LRP10: variants seen among roughly 807,000 people sequenced by gnomAD.
LRP10 encodes low-density lipoprotein receptor-related protein 10.
LRP10 carries 42 observed loss-of-function variants against 58.5 expected under a neutral mutation model. That is an observed-to-expected ratio of 0.72 (90% CI 0.56 to 0.93). The LOEUF is 0.93. Among genes scored for constraint, LRP10 ranks in the 40% least tolerant of loss-of-function variants. The pLI is 0.00. For synonymous variants in LRP10, 377 were observed against 388.5 expected (o/e 0.97, Z 0.35); for missense variants, 872 against 940.1 (o/e 0.93, Z 0.95).
chr14:22,873,247 G>A (rs749177657), intron 2 of LRP10, 64 bp from the exon 3 acceptor site: 73 of 1,555,786 alleles, frequency 4.7e-5, no homozygotes, highest in Non-Finnish European at 6.0e-5. Flanking sequence ...GCCTCCAAGC[G>A]GAAGGGGAAG....
chr14:22,875,229 G>C lies in LRP10; in HGVS notation c.390G>C (p.Leu130=). 6.2e-7 allele frequency: 1 copy of C among 1,600,686 alleles called. No homozygotes were observed. The highest frequency in any genetic ancestry group is 1.3e-5 in the African/African-American group (1 of 74,844). The change falls in exon 4 of 7, where the codon CTG becomes CTC. Residue 130 remains leucine, a synonymous_variant. Coordinates refer to ENST00000359591, the MANE Select transcript of LRP10 (RefSeq NM_014045.5). ...GAGCACCCATGGGCCAGGGCTTCCTGCTCTCCTACAGCCAAGGTAGGCTGG... is the reference window on the plus strand; with the variant it reads ...GAGCACCCATGGGCCAGGGCTTCCTCCTCTCCTACAGCCAAGGTAGGCTGG... ...GARAPMGQGF[L]LSYSQDWLMC... is the part of the protein sequence containing the mutation.
At chr14:22,876,839 C>T in intron 6 of LRP10, 21 bp downstream of exon 6, 1 of 1,611,520 alleles carries the variant, frequency 6.2e-7, no homozygotes, top group South Asian at 1.1e-5. Context: ...CCCCACAACC[C>T]TAGCACCTCC....
chr14:22,877,557 C>G lies in LRP10; in HGVS notation c.*30C>G. The G allele has an allele frequency of 6.8e-7, 1 of 1,478,536 alleles. No individual in the cohort carries two copies. Among genetic ancestry groups the G allele is most frequent in the Non-Finnish European group, 9.1e-7 (1 of 1,099,744 alleles). 91.6% of individuals were successfully genotyped at this position (1,478,536 alleles called of 1,614,324 possible). A position where few individuals can be genotyped will look rare whatever the true frequency, so the allele number is the denominator to read the frequency against. On this transcript the variant is annotated 3_prime_UTR_variant, in exon 7 of 7. Transcript: ENST00000359591. The surrounding 1 kb of genome is among the most constrained non-coding windows in gnomAD (Gnocchi z 5.1). ...ACCTGGGGGCTCTACTGAGGCCTCT[C>G]CCCTGGGGGCTCTACTCATAGTGGC...
rs1440462319 is a variant in LRP10, at chr14:22,877,175, G to C, written c.1790G>C (p.Gly597Ala). 2.5e-6 allele frequency: 4 copies of C among 1,601,220 alleles called. No individual in the cohort carries two copies. In the East Asian group the frequency reaches 6.7e-5, roughly 27 times the overall value. The change falls in exon 7 of 7, where the codon GGT becomes GCT. Residue 597 changes from glycine (G) to alanine (A), a missense_variant. Coordinates refer to ENST00000359591, the MANE Select transcript of LRP10 (RefSeq NM_014045.5). The surrounding 1 kb of genome is among the most constrained non-coding windows in gnomAD (Gnocchi z 5.1). ...CTTGAGGCCCTAGATGGTGGCACAG[G>C]TCCAGCCCGTGAGGGCGGGGCAGTG... is the stretch of plus-strand genomic sequence containing the variant. ...APLEALDGGT[G>A]PAREGGAVGG...
At chr14:22,872,421 A>C (rs2039964707) in intron 1 of LRP10, 84 bp downstream of exon 1, 2 of 1,526,054 alleles carry the variant, frequency 1.3e-6, no homozygotes, top group Non-Finnish European at 1.8e-6. Context: ...CCCGCACTCT[A>C]TCCTGCCTGC....
At chr14:22,872,830 G>A in intron 2 of LRP10, 48 bp downstream of exon 2, 1 of 1,589,570 alleles carries the variant, frequency 6.3e-7, no homozygotes, top group South Asian at 1.1e-5. Context: ...GAATGAGGGA[G>A]CAGTCGAGAA....
chr14:22,875,317 C>T lies in LRP10; in HGVS notation c.407-38C>T, dbSNP rs753159397. On this transcript the variant is annotated intron_variant, in intron 4 of 6. Coordinates refer to ENST00000359591, the MANE Select transcript of LRP10 (RefSeq NM_014045.5). ...GCAGAAGGGGAGGATCCTGAGGGTTCTGGTGCTTCACAGCCCCTCTCCATG... is the reference window on the plus strand; with the variant it reads ...GCAGAAGGGGAGGATCCTGAGGGTTTTGGTGCTTCACAGCCCCTCTCCATG... 27 of 1,592,322 alleles carry T rather than the reference C, an allele frequency of 1.7e-5. No homozygotes were observed. The East Asian group carries it at 6.1e-4, about 36-fold the overall frequency.
At position 22,874,596 on chromosome 14, in the gene LRP10, A is replaced by C. The variant is rs148135726; in HGVS notation, c.216-459A>C. Among the ~76,000 whole-genome samples the C allele has an allele frequency of 4.6e-3, 707 of 152,310 alleles. 7 individuals carry two copies. The highest frequency in any genetic ancestry group is 0.033 in the South Asian group (159 of 4,826). ...CCCCATTGACTACATTGACTTAAAA[A>C]TAATTTGGCTGCCGGGCATGGTGGC... On this transcript the variant is annotated intron_variant, in intron 3 of 6. Transcript: ENST00000359591.
At position 22,881,158 on chromosome 14, in the gene LRP10, A is replaced by G. The variant is rs192045784; in HGVS notation, c.*3631A>G. On this transcript the variant is annotated 3_prime_UTR_variant, in exon 7 of 7. Transcript: ENST00000359591. ...CAGAAGACTGGCCCAGTCTCTACCA[A>G]GTGGTGGATTTAGAGCCGGCATGGC... 1 of 152,324 alleles carries G rather than the reference A, an allele frequency of 6.6e-6. No homozygotes were observed. Among genetic ancestry groups the G allele is most frequent in the Admixed American group, 6.5e-5 (1 of 15,300 alleles). The allele number at this position is 152,324 out of a possible 1,614,324, so 9.4% of individuals were successfully genotyped here. A position where few individuals can be genotyped will look rare whatever the true frequency, so the allele number is the denominator to read the frequency against.
intron 1 of LRP10, 51 bp from the exon 2 acceptor site, chr14:22,872,687 A>G (rs2039968306): frequency 6.3e-7 from 1 of 1,593,298 alleles, no homozygotes; most frequent in Non-Finnish European, 8.6e-7. Flanking sequence ...GTGAAGAAGA[A>G]AACTCCTAAG....
rs767280972 is a variant in LRP10, at chr14:22,873,300, C to T, written c.80-11C>T. On this transcript the variant is annotated splice_polypyrimidine_tract_variant and intron_variant, in intron 2 of 6. Coordinates refer to ENST00000359591, the MANE Select transcript of LRP10 (RefSeq NM_014045.5). ...CTGTCTACTACCCGTGTCCTACCTT[C>T]CTCTCTCCAGCTTGTGAGGACCCCC... 2.5e-6 allele frequency: 4 copies of T among 1,610,190 alleles called. No individual in the cohort carries two copies. The Admixed American group carries it at 6.7e-5, about 27-fold the overall frequency.
At chr14:22,875,275 G>T in intron 4 of LRP10, 30 bp downstream of exon 4, 1 of 1,581,092 alleles carries the variant, frequency 6.3e-7, no homozygotes, top group Non-Finnish European at 8.6e-7. Flanking sequence ...CTGAGGAGCA[G>T]GCAGTGAAAG....
chr14:22,878,147 TC>T lies in LRP10; in HGVS notation c.*623del, dbSNP rs1476614399. ...CCCATCTCAGTCTATGCTCACCTCATCCCACTCCTCCCTGTGGAGCCCTTTG... is the reference window on the plus strand; with the variant it reads ...CCCATCTCAGTCTATGCTCACCTCATCCACTCCTCCCTGTGGAGCCCTTTG... On this transcript the variant is annotated 3_prime_UTR_variant, in exon 7 of 7. Coordinates refer to ENST00000359591, the MANE Select transcript of LRP10 (RefSeq NM_014045.5). The T allele has an allele frequency of 6.6e-6, 1 of 152,356 alleles. No individual in the cohort carries two copies. Among genetic ancestry groups the T allele is most frequent in the Non-Finnish European group, 1.5e-5 (1 of 68,130 alleles). The allele number at this position is 152,356 out of a possible 1,614,324, so 9.4% of individuals were successfully genotyped here. A position where few individuals can be genotyped will look rare whatever the true frequency, so the allele number is the denominator to read the frequency against.
rs537534960 is a variant in LRP10, at chr14:22,879,261, G to A, written c.*1734G>A. ...GGCCCATGTGCAGTTCTGGGACCCTGGCACCTTGGCTCAGGGAAGACCCGA... is the reference window on the plus strand; with the variant it reads ...GGCCCATGTGCAGTTCTGGGACCCTAGCACCTTGGCTCAGGGAAGACCCGA... On this transcript the variant is annotated 3_prime_UTR_variant, in exon 7 of 7. Coordinates refer to ENST00000359591, the MANE Select transcript of LRP10 (RefSeq NM_014045.5). The A allele has an allele frequency of 2.4e-4, 111 of 455,534 alleles. No individual in the cohort carries two copies. Among genetic ancestry groups the A allele is most frequent in the Middle Eastern group, 1.6e-3 (5 of 3,072 alleles). 28.2% of individuals were successfully genotyped at this position (455,534 alleles called of 1,614,324 possible).
In LRP10 at chr14:22,872,097, G is replaced by T. The variant is rs2039959687; in HGVS notation, c.-207G>T. 5.0e-6 allele frequency: 3 copies of T among 603,732 alleles called. 1 individual carries two copies. The South Asian group carries it at 5.8e-5, about 12-fold the overall frequency. 37.4% of individuals were successfully genotyped at this position (603,732 alleles called of 1,614,324 possible). Reference sequence around the variant, plus strand: ...GGCGGACGGAGAAAACAACTCCAAAGTTGGCGAAAGGCACCGCCCCTACTC... The same window carrying T: ...GGCGGACGGAGAAAACAACTCCAAATTTGGCGAAAGGCACCGCCCCTACTC... On this transcript the variant is annotated 5_prime_UTR_variant, in exon 1 of 7. Coordinates refer to ENST00000359591, the MANE Select transcript of LRP10 (RefSeq NM_014045.5).
chr14:22,874,917 T>G, intron 3 of LRP10, 138 bp from the exon 4 acceptor site: 2 of 490,890 alleles, frequency 4.1e-6, no homozygotes, highest in Non-Finnish European at 6.9e-6. Flanking sequence ...GCTAACTGAG[T>G]TTTCATTTGG....
chr14:22,875,539 G>A lies in LRP10; in HGVS notation c.591G>A (p.Glu197=). The change falls in exon 5 of 7, where the codon GAG becomes GAA. Residue 197 remains glutamate, a synonymous_variant. Coordinates refer to ENST00000359591, the MANE Select transcript of LRP10 (RefSeq NM_014045.5). ...CCCTGCCTTGCAATGTCACCTTGGA[G>A]GACTTCTATGGGGTCTTCTCCTCTC... is the stretch of plus-strand genomic sequence containing the variant. ...VPSLPCNVTL[E]DFYGVFSSPG... The A allele has an allele frequency of 1.2e-6, 2 of 1,614,166 alleles. No individual in the cohort carries two copies. The highest frequency in any genetic ancestry group is 8.5e-7 in the Non-Finnish European group (1 of 1,180,008).
At position 22,876,838 on chromosome 14, in the gene LRP10, C is replaced by T; in HGVS notation, c.1554+20C>T. On this transcript the variant is annotated intron_variant, in intron 6 of 6. Transcript: ENST00000359591. ...AATGATGTAAGTCACTCCCCACAACCCTAGCACCTCCTGGTCCCAGTTCTG... is the reference window on the plus strand; with the variant it reads ...AATGATGTAAGTCACTCCCCACAACTCTAGCACCTCCTGGTCCCAGTTCTG... 6.2e-7 allele frequency: 1 copy of T among 1,611,476 alleles called. No individual in the cohort carries two copies. Among genetic ancestry groups the T allele is most frequent in the Non-Finnish European group, 8.5e-7 (1 of 1,178,340 alleles).
chr14:22,875,622 AC>A lies in LRP10; in HGVS notation c.679del (p.His227MetfsTer91). 1.2e-6 allele frequency: 2 copies of A among 1,613,666 alleles called. No individual in the cohort carries two copies. Among genetic ancestry groups the A allele is most frequent in the Non-Finnish European group, 1.7e-6 (2 of 1,179,966 alleles). ...SHPQSCHWLL[D>X]PHDGRRLAVR... ...CCCCAGTCCTGCCATTGGCTGCTGG[AC>A]CCCCATGATGGCCGGCGGCTGGCCG... On this transcript the variant is annotated frameshift_variant, in exon 5 of 7. Coordinates refer to ENST00000359591, the MANE Select transcript of LRP10 (RefSeq NM_014045.5). LOFTEE classifies it high-confidence loss of function.
Sources: gnomAD v4.1 joint callset for allele counts (sites outside exome capture counted in the v4.1 genomes callset) on GRCh38, gnomAD v4.1.1 for gene constraint, Gnocchi (gnomAD v3.1) non-coding constraint, MANE v1.5 for transcripts, NCBI Gene and HGNC (gene_info 2026-07-23, HGNC 2026-07-21) for gene names.